The following PASK variants were observed in gnomAD, a reference collection of about 807,000 sequenced individuals.
PASK encodes PAS domain-containing serine/threonine-protein kinase.
Under a neutral mutation model 121.0 loss-of-function variants are expected in PASK, and 110 were observed. The observed-to-expected ratio is 0.91, with a 90% confidence interval of 0.78 to 1.06. PASK has a LOEUF of 1.06. Among genes scored for constraint, PASK ranks in the 50% least tolerant of loss-of-function variants. The pLI is 0.00. For synonymous variants in PASK, 686 were observed against 717.8 expected (o/e 0.96, Z 0.71); for missense variants, 1,643 against 1,702.3 (o/e 0.97, Z 0.61).
chr2:241,149,690 C>G, upstream of PASK: 1 of 1,550,176 alleles, frequency 6.5e-7, no homozygotes, highest in Admixed American at 1.9e-5. Flanking sequence ...GGTTTCCTCC[C>G]GACTCGCGAT....
intron 9 of PASK, among the ~76,000 whole-genome samples, chr2:241,131,571 A>G (rs1472869886): frequency 1.3e-5 from 2 of 152,224 alleles, no homozygotes; most frequent in Non-Finnish European, 2.9e-5. Flanking sequence ...AGCAATAAGC[A>G]GAAGGCAGAC....
chr2:241,141,243 C>T (rs554385702), intron 2 of PASK, among the ~76,000 whole-genome samples: 113 of 152,294 alleles, frequency 7.4e-4, no homozygotes, highest in Middle Eastern at 3.4e-3. Context: ...GCTATGACTG[C>T]GCCACTGCAC....
intron 9 of PASK, chr2:241,127,670 C>T: frequency 1.7e-6 from 1 of 578,116 alleles, no homozygotes; most frequent in Non-Finnish European, 3.1e-6. Context: ...GCAGAGAATG[C>T]TACCAAAAGC....
rs1190303137 is a variant in PASK, at chr2:241,115,411, C to T, written c.3075G>A (p.Val1025=). 2 of 1,613,842 alleles carry T rather than the reference C, an allele frequency of 1.2e-6. No individual in the cohort carries two copies. The highest frequency in any genetic ancestry group is 3.3e-5 in the Admixed American group (2 of 60,004). Residue 1025 remains valine, a splice_region_variant and synonymous_variant, in exon 13 of 18, where the codon GTG becomes GTA. Coordinates refer to ENST00000234040, the MANE Select transcript of PASK (RefSeq NM_015148.4). Reference sequence around the variant, plus strand: ...TCTCCTTCTTAATAAACTTCACCACCACCTGTGAGGAAGACAGAGCGTAGT... The same window carrying T: ...TCTCCTTCTTAATAAACTTCACCACTACCTGTGAGGAAGACAGAGCGTAGT... The part of the protein sequence containing the change: ...TAVDKEKNKE[V]VVKFIKKEKV...
intron 12 of PASK, among the ~76,000 whole-genome samples, chr2:241,121,199 T>C (rs1320256429): frequency 6.6e-6 from 1 of 152,226 alleles, no homozygotes; most frequent in Non-Finnish European, 1.5e-5. Flanking sequence ...ACGGGGGTTA[T>C]GCGACTGACT....
rs1031356023 is a variant in PASK, at chr2:241,138,688, T to C, written c.707A>G (p.Glu236Gly). Residue 236 changes from glutamate (E) to glycine (G), a missense_variant, in exon 5 of 18, where the codon GAG becomes GGG. By Grantham distance (98) the Glu-to-Gly change is moderately conservative. Around this residue, in one of 3 missense-constraint regions of PASK, gnomAD observed 1,176 missense variants for 1,162.2 expected, o/e 1.01. Transcript: ENST00000234040. ...GAAAGCGACCCAGGTCGAGACCCTC[T>C]CCACGGGCTCCAGGACCACCACGCA... ...LCCVVVLEPVERVSTWVAFQS... is the reference protein window; with the variant it reads ...LCCVVVLEPVGRVSTWVAFQS... 33 of 1,614,018 alleles carry C rather than the reference T, an allele frequency of 2.0e-5. No individual in the cohort carries two copies. The highest frequency in any genetic ancestry group is 5.0e-5 in the Admixed American group (3 of 60,010).
At chr2:241,113,443 G>C (rs2065192462) in intron 14 of PASK, 1 of 115,692 alleles carries the variant, frequency 8.6e-6, no homozygotes, top group Non-Finnish European at 2.2e-5. Context: ...CATACATTTA[G>C]ATACATACAT....
chr2:241,145,209 G>A (rs1435982169), intron 1 of PASK, among the ~76,000 whole-genome samples: 6 of 152,008 alleles, frequency 3.9e-5, no homozygotes, highest in Non-Finnish European at 7.4e-5. Flanking sequence ...CACCGCGCCC[G>A]GCCGACTTCT....
At chr2:241,127,926 T>C (rs1310622935) in intron 9 of PASK, among the ~76,000 whole-genome samples, 1 of 152,188 alleles carries the variant, frequency 6.6e-6, no homozygotes, top group Non-Finnish European at 1.5e-5. Flanking sequence ...CACAGCCGAC[T>C]AGGGAAATGG....
chr2:241,127,035 G>A lies in PASK; in HGVS notation c.1880C>T (p.Ala627Val), dbSNP rs769767333. The A allele has an allele frequency of 3.7e-6, 6 of 1,614,142 alleles. No individual in the cohort carries two copies. Among genetic ancestry groups the A allele is most frequent in the Admixed American group, 3.3e-5 (2 of 60,032 alleles). ...GCCTGCCATCCCAGAGGGGCTGGGG[G>A]CCAAGTCCTGGCTTCGCCACCACAA... is the stretch of plus-strand genomic sequence containing the variant. ...WGLWWRSQDL[A>V]PSPSGMAGLS... The change falls in exon 10 of 18, where the codon GCC (alanine) becomes GTC (valine). Residue 627 changes from alanine (A) to valine (V), a missense_variant. Transcript: ENST00000234040.
intron 9 of PASK, 104 bp downstream of exon 9, chr2:241,132,770 T>C: frequency 1.0e-6 from 1 of 975,536 alleles, no homozygotes; most frequent in Non-Finnish European, 1.6e-6. Flanking sequence ...TTTTCAATGT[T>C]ACTATGAATA....
chr2:241,150,018 G>A, upstream of PASK: 1 of 1,394,606 alleles, frequency 7.2e-7, no homozygotes, highest in South Asian at 1.5e-5. Flanking sequence ...TCGGCCCATT[G>A]TACAGACGCA....
At chr2:241,131,055 T>A (rs1208266110) in intron 9 of PASK, among the ~76,000 whole-genome samples, 1 of 149,970 alleles carries the variant, frequency 6.7e-6, no homozygotes, top group African/African-American at 2.5e-5. Context: ...GGGGAAAGAG[T>A]AGGATTGGAG....
chr2:241,138,215 C>T, intron 5 of PASK, 128 bp from the exon 6 acceptor site: 1 of 888,630 alleles, frequency 1.1e-6, no homozygotes, highest in Non-Finnish European at 1.8e-6. Flanking sequence ...GGGCAAGAGA[C>T]ATATACACAT....
chr2:241,131,653 TA>T (rs2066139253), intron 9 of PASK, among the ~76,000 whole-genome samples: 1 of 151,870 alleles, frequency 6.6e-6, no homozygotes, highest in South Asian at 2.1e-4. Context: ...CAGCAGGGTG[TA>T]GGGGGCACAG....
In PASK at chr2:241,127,105, C is replaced by A. The variant is rs779929634; in HGVS notation, c.1810G>T (p.Gly604Cys). Residue 604 changes from glycine (G) to cysteine (C), a missense_variant, in exon 10 of 18, where the codon GGC (glycine) becomes TGC (cysteine). Physicochemically the swap from Gly to Cys is radical, Grantham distance 159. Around this residue, in one of 3 missense-constraint regions of PASK, gnomAD observed 1,176 missense variants for 1,162.2 expected, o/e 1.01. Coordinates refer to ENST00000234040, the MANE Select transcript of PASK (RefSeq NM_015148.4). ...KPQAKGQLAGGSLLMHCPCYG... is the reference protein window; with the variant it reads ...KPQAKGQLAGCSLLMHCPCYG... ...CAAGGGCAGTGCATCAGGAGGCTGC[C>A]CCCCGCCAGCTGACCCTTGGCCTGG... 72 of 1,613,938 alleles carry A rather than the reference C, an allele frequency of 4.5e-5. No individual in the cohort carries two copies. Among genetic ancestry groups the A allele is most frequent in the Non-Finnish European group, 6.0e-5 (71 of 1,180,028 alleles).
At chr2:241,114,687 GC>G in intron 14 of PASK, 3 of 1,223,978 alleles carry the variant, frequency 2.5e-6, no homozygotes, top group Non-Finnish European at 2.0e-6. Context: ...CCTGCAGGCC[GC>G]TGTGCCGCAC....
At chr2:241,136,631 T>G (rs1346093898) in intron 7 of PASK, among the ~76,000 whole-genome samples, 1 of 151,852 alleles carries the variant, frequency 6.6e-6, no homozygotes. Flanking sequence ...GAACACTAAC[T>G]GCTTTTTAAC....
In PASK at chr2:241,108,728, G is replaced by A. The variant is rs77995541; in HGVS notation, c.3534-428C>T. ...GCATGTTCACGATCTTGGTGTGAAC[G>A]GGCTTGGTGTGACCATGGACACACA... is the stretch of plus-strand genomic sequence containing the variant. On this transcript the variant is annotated intron_variant, in intron 15 of 17. Transcript: ENST00000234040. This position sits in a 1 kb window ranked among gnomAD's most constrained non-coding sequence, Gnocchi z 5.2. 8,118 of 330,496 alleles carry A rather than the reference G, an allele frequency of 0.025. 123 individuals are homozygous for A. The highest frequency in any genetic ancestry group is 0.036 in the Non-Finnish European group (6,100 of 167,934). 20.5% of individuals were successfully genotyped at this position (330,496 alleles called of 1,614,324 possible).
Sources: gnomAD v4.1 joint callset for allele counts (sites outside exome capture counted in the v4.1 genomes callset) on GRCh38, gnomAD v4.1.1 for gene constraint, gnomAD v4.1.1 regional missense constraint, Gnocchi (gnomAD v3.1) non-coding constraint, MANE v1.5 for transcripts, NCBI Gene and HGNC (gene_info 2026-07-23, HGNC 2026-07-21) for gene names.